The following AKR1C3 variants were observed in gnomAD, a reference collection of about 807,000 sequenced individuals.
AKR1C3 encodes 3-alpha hydroxysteroid dehydrogenase, type II.
A neutral mutation model predicts 43.6 loss-of-function variants in AKR1C3; 48 were observed. The ratio of observed to expected loss-of-function variants is 1.10; its 90% CI spans 0.87 to 1.40. The LOEUF is 1.40. Among genes scored for constraint, AKR1C3 ranks in the 40% most tolerant of loss-of-function variants. The probability of loss-of-function intolerance (pLI) is 0.00; values close to 1 mark genes in which losing one functional copy is unlikely to be tolerated. For synonymous variants in AKR1C3, 162 were observed against 139.6 expected, an observed-to-expected ratio of 1.16 and a Z score of -1.13; for missense variants, 482 against 391.2, an observed-to-expected ratio of 1.23 and a Z score of -1.96.
intron 1 of AKR1C3, 130 bp from the exon 2 acceptor site, chr10:5,096,280 C>A: frequency 8.7e-7 from 1 of 1,147,742 alleles, no homozygotes; most frequent in East Asian, 2.6e-5. Flanking sequence ...CTCAGGCAAA[C>A]TGAGATGGAC....
chr10:5,092,453 C>A (rs1397858738), upstream of AKR1C3, among the ~76,000 whole-genome samples: 1 of 150,186 alleles, frequency 6.7e-6, no homozygotes. Context: ...GTCCTACAAG[C>A]CCTTTAGGGT....
intron 1 of AKR1C3, chr10:5,080,673 T>A (rs1347700956): frequency 6.6e-6 from 1 of 152,460 alleles, no homozygotes; most frequent in Non-Finnish European, 1.5e-5. Flanking sequence ...GAGCCTGCCA[T>A]TGAATGTGTA....
intron 1 of AKR1C3, among the ~76,000 whole-genome samples, chr10:5,088,915 A>C (rs1839029013): frequency 6.6e-6 from 1 of 151,974 alleles, no homozygotes; most frequent in Admixed American, 6.6e-5. Context: ...TGTGTACTTC[A>C]TGTCCTTTTA....
intron 3 of AKR1C3, chr10:5,098,241 T>C (rs1368177328): frequency 6.3e-6 from 6 of 947,860 alleles, no homozygotes; most frequent in Non-Finnish European, 7.5e-6. Flanking sequence ...TCTATTCTTA[T>C]CTCTAAACTC....
intron 1 of AKR1C3, among the ~76,000 whole-genome samples, chr10:5,061,769 A>T (rs1476313853): frequency 6.6e-6 from 1 of 152,194 alleles, no homozygotes; most frequent in Admixed American, 6.5e-5. Flanking sequence ...TCTTTAGAAA[A>T]TGTTCTTAGA....
At chr10:5,077,783 C>T in intron 1 of AKR1C3, 1 of 905,568 alleles carries the variant, frequency 1.1e-6, no homozygotes, top group Admixed American at 4.3e-5. Context: ...TTTACATTAA[C>T]ATGTTCCTTG....
At chr10:5,098,175 T>A in intron 3 of AKR1C3, 1 of 985,740 alleles carries the variant, frequency 1.0e-6, no homozygotes, top group South Asian at 4.7e-5. Context: ...AAATGGGAAG[T>A]CAAAGACATG....
At chr10:5,055,961 G>A (rs1179695171) in intron 1 of AKR1C3, among the ~76,000 whole-genome samples, 1 of 152,174 alleles carries the variant, frequency 6.6e-6, no homozygotes, top group Non-Finnish European at 1.5e-5. Flanking sequence ...TCCTTGCTGA[G>A]GGCCCTGGTC....
intron 2 of AKR1C3, 78 bp downstream of exon 2, chr10:5,096,655 A>G: frequency 6.7e-7 from 1 of 1,482,240 alleles, no homozygotes; most frequent in South Asian, 1.5e-5. Flanking sequence ...TGACTGGATG[A>G]GTAGTTGTGG....
intron 7 of AKR1C3, chr10:5,105,344 T>TCTC (rs1554786996): frequency 3.2e-6 from 1 of 308,576 alleles, no homozygotes; most frequent in Non-Finnish European, 6.0e-6. Context: ...CGCTGTTTCT[T>TCTC]CTCCATTTTC....
intron 4 of AKR1C3, among the ~76,000 whole-genome samples, chr10:5,099,085 A>G (rs1201972996): frequency 1.1e-4 from 16 of 152,194 alleles, no homozygotes; most frequent in Non-Finnish European, 1.6e-4. Flanking sequence ...GAGGACAGGA[A>G]TCTCTTTCCT....
intron 8 of AKR1C3, among the ~76,000 whole-genome samples, chr10:5,106,970 TTATCATCCATTAAAAATGTAA>T (rs1204000894): frequency 6.6e-6 from 1 of 152,186 alleles, no homozygotes; most frequent in Non-Finnish European, 1.5e-5. Context: ...TGAGTAATTC[TTATCATCCATTAAAAATGTAA>T]TAAGTTGGTG....
chr10:5,056,212 C>A lies in AKR1C3; in HGVS notation c.84+7317C>A, dbSNP rs1838258400. ...GCCTGACCAAACAGATGAGGGCTAT[C>A]CCTAAACCCTTGGGGCATGTAAGTT... On this transcript the variant is annotated intron_variant, in intron 1 of 8. Coordinates refer to the AKR1C3 transcript ENST00000439082. Among the ~76,000 whole-genome samples the A allele has an allele frequency of 2.0e-5, 3 of 152,104 alleles. No individual in the cohort carries two copies. In the South Asian group the frequency reaches 6.2e-4, roughly 32 times the overall value.
At chr10:5,060,765 T>C (rs143657567) in intron 1 of AKR1C3, among the ~76,000 whole-genome samples, 3,118 of 142,314 alleles carry the variant, frequency 0.022, 109 homozygotes, top group African/African-American at 0.079. Context: ...AGGCTCAGGC[T>C]GCACAGGAGC....
At chr10:5,100,723 T>C (rs536111250) in intron 5 of AKR1C3, among the ~76,000 whole-genome samples, 1 of 152,308 alleles carries the variant, frequency 6.6e-6, no homozygotes, top group East Asian at 1.9e-4. Context: ...TTCCATCATA[T>C]CCAAATAGAA....
At chr10:5,081,790 A>G (rs529599466) in intron 1 of AKR1C3, 2 of 152,302 alleles carry the variant, frequency 1.3e-5, no homozygotes, top group African/African-American at 4.8e-5. Flanking sequence ...TGTCCTGGGC[A>G]CTGGTAATAA....
At chr10:5,097,586 G>T (rs1554785355) in intron 3 of AKR1C3, 36 bp downstream of exon 3, 2 of 1,611,936 alleles carry the variant, frequency 1.2e-6, no homozygotes, top group South Asian at 2.2e-5. Flanking sequence ...TTGCGCTTCT[G>T]CTGTCATTAT....
At chr10:5,074,558 C>T (rs895700220) in intron 1 of AKR1C3, among the ~76,000 whole-genome samples, 10 of 152,184 alleles carry the variant, frequency 6.6e-5, no homozygotes, top group Admixed American at 3.3e-4. Context: ...TTTTCCATCT[C>T]TTCTCTTAAG....
At chr10:5,094,406 G>A (rs2131835015), upstream of AKR1C3, 5 of 1,604,074 alleles carry the variant, frequency 3.1e-6, no homozygotes, top group East Asian at 1.1e-4. Context: ...CTGAGGAGAA[G>A]CAGCAGCAAA....
Sources: gnomAD v4.1 joint callset for allele counts (sites outside exome capture counted in the v4.1 genomes callset) on GRCh38, gnomAD v4.1.1 for gene constraint, MANE v1.5 for transcripts, NCBI Gene and HGNC (gene_info 2026-07-23, HGNC 2026-07-21) for gene names.